The following ECHDC1 variants were observed in gnomAD, a reference collection of about 807,000 sequenced individuals.
The protein encoded by ECHDC1 is ethylmalonyl-CoA decarboxylase.
In ECHDC1, 29 loss-of-function variants were observed where a neutral mutation model predicts 29.7. That is an observed-to-expected ratio of 0.98 (90% CI 0.73 to 1.33). The LOEUF (loss-of-function observed/expected upper bound fraction) is 1.33. Ranked by LOEUF, ECHDC1 falls within the 40% of genes most tolerant of loss-of-function variation. ECHDC1 has a pLI of 0.00. For missense variants in ECHDC1, 328 were observed against 350.0 expected (o/e 0.94, Z 0.50); for synonymous variants, 126 against 123.1 (o/e 1.02, Z -0.15).
intron 2 of ECHDC1, 132 bp downstream of exon 2, chr6:127,330,677 T>C (rs1183520748): frequency 5.9e-6 from 4 of 681,958 alleles, no homozygotes; most frequent in Non-Finnish European, 9.7e-6. Context: ...TTGTTGTTTT[T>C]GTTATTTTTC....
chr6:127,342,329 A>G, intron 1 of ECHDC1: 1 of 1,539,836 alleles, frequency 6.5e-7, no homozygotes, highest in Non-Finnish European at 8.8e-7. Context: ...CTCTCCAACT[A>G]CCCTGTTTAT....
At chr6:127,311,669 CAAAAAAAAAAAAA>C (rs71272311) in intron 5 of ECHDC1, among the ~76,000 whole-genome samples, 81 of 25,040 alleles carry the variant, frequency 3.2e-3, no homozygotes, top group African/African-American at 7.0e-3. Context: ...GGCTCTGTCT[CAAAAAAAAAAAAA>C]AAAAAAAAAA....
intron 1 of ECHDC1, chr6:127,342,511 C>A: frequency 1.4e-6 from 1 of 738,608 alleles, no homozygotes; most frequent in Non-Finnish European, 2.1e-6. Context: ...CTGCTCCCTC[C>A]CCTCGTAGAT....
At chr6:127,311,491 A>G (rs1295007822) in intron 5 of ECHDC1, among the ~76,000 whole-genome samples, 2 of 151,844 alleles carry the variant, frequency 1.3e-5, no homozygotes, top group Non-Finnish European at 2.9e-5. Flanking sequence ...CCTGGCCAAC[A>G]TGGTGAAACC....
At chr6:127,331,654 C>G (rs1783959993) in intron 1 of ECHDC1, among the ~76,000 whole-genome samples, 2 of 152,206 alleles carry the variant, frequency 1.3e-5, no homozygotes, top group Admixed American at 6.5e-5. Context: ...TGCACCATCT[C>G]CTGCCTCTAG....
At chr6:127,334,651 C>A (rs1784277681) in intron 1 of ECHDC1, among the ~76,000 whole-genome samples, 1 of 152,022 alleles carries the variant, frequency 6.6e-6, no homozygotes, top group Non-Finnish European at 1.5e-5. Flanking sequence ...ATACAGAACA[C>A]CAAATAACCA....
chr6:127,342,450 G>C, intron 1 of ECHDC1: 1 of 1,425,570 alleles, frequency 7.0e-7, no homozygotes, highest in Non-Finnish European at 9.4e-7. Flanking sequence ...TCGCCTTTCA[G>C]GCCAGAACCC....
At chr6:127,314,999 T>C (rs1326882433) in intron 4 of ECHDC1, 103 bp from the exon 5 acceptor site, 2 of 995,320 alleles carry the variant, frequency 2.0e-6, no homozygotes, top group Non-Finnish European at 3.1e-6. Context: ...AACAAAATTA[T>C]TGCACTGTCT....
intron 5 of ECHDC1, 102 bp from the exon 6 acceptor site, chr6:127,290,379 T>C (rs901569811): frequency 2.6e-6 from 3 of 1,138,580 alleles, no homozygotes; most frequent in Admixed American, 5.5e-5. Flanking sequence ...CATAGATCTT[T>C]ATAGGTAGGT....
At chr6:127,316,065 C>G (rs1384430280) in intron 4 of ECHDC1, 6 of 471,148 alleles carry the variant, frequency 1.3e-5, no homozygotes, top group South Asian at 7.7e-5. Context: ...ATACAGACCA[C>G]TTCACCACAC....
chr6:127,300,954 T>A (rs1213895489), intron 5 of ECHDC1, among the ~76,000 whole-genome samples: 2 of 151,192 alleles, frequency 1.3e-5, no homozygotes, highest in Non-Finnish European at 2.9e-5. Flanking sequence ...ATTCTAAATA[T>A]CTTTAATTTG....
intron 5 of ECHDC1, among the ~76,000 whole-genome samples, chr6:127,294,015 C>G (rs945796372): frequency 6.6e-6 from 1 of 152,078 alleles, no homozygotes; most frequent in Non-Finnish European, 1.5e-5. Context: ...TATTCTAATA[C>G]AGATATGGTT....
intron 1 of ECHDC1, chr6:127,342,874 T>C (rs1347323042): frequency 6.5e-6 from 1 of 153,278 alleles, no homozygotes; most frequent in Non-Finnish European, 1.5e-5. Flanking sequence ...CTTTCGTTCT[T>C]GAAAAGTTGG....
chr6:127,290,896 CAAAT>C (rs1441457958), intron 5 of ECHDC1, among the ~76,000 whole-genome samples: 1 of 152,042 alleles, frequency 6.6e-6, no homozygotes. Flanking sequence ...AGGCAGGAGA[CAAAT>C]GAATTGAGGA....
chr6:127,305,034 T>G (rs1781341498), intron 5 of ECHDC1, among the ~76,000 whole-genome samples: 1 of 152,108 alleles, frequency 6.6e-6, no homozygotes, highest in Admixed American at 6.6e-5. Flanking sequence ...CACCTAGAGA[T>G]AGATATCAAT....
chr6:127,333,412 G>A (rs1479419685), intron 1 of ECHDC1, among the ~76,000 whole-genome samples: 1 of 151,816 alleles, frequency 6.6e-6, no homozygotes, highest in Non-Finnish European at 1.5e-5. Context: ...AATCTTAATA[G>A]ACATTTGGAT....
At chr6:127,293,100 T>G (rs544594077) in intron 5 of ECHDC1, among the ~76,000 whole-genome samples, 1 of 152,244 alleles carries the variant, frequency 6.6e-6, no homozygotes, top group African/African-American at 2.4e-5. Context: ...GAGTTACACC[T>G]TTGACAGGTG....
chr6:127,340,357 G>A (rs542713027), intron 1 of ECHDC1, among the ~76,000 whole-genome samples: 1 of 152,270 alleles, frequency 6.6e-6, no homozygotes, highest in South Asian at 2.1e-4. Context: ...AGGATGAAGG[G>A]AACTTGCTTT....
chr6:127,336,749 G>A (rs1784455946), intron 1 of ECHDC1, among the ~76,000 whole-genome samples: 1 of 152,064 alleles, frequency 6.6e-6, no homozygotes, highest in Non-Finnish European at 1.5e-5. Context: ...AATGGAAGCG[G>A]GGAAAAGTTT....
Sources: allele counts gnomAD v4.1 joint callset (sites outside exome capture counted in the v4.1 genomes callset), GRCh38; gene constraint gnomAD v4.1.1; transcripts MANE v1.5; gene names NCBI Gene and HGNC (gene_info 2026-07-23, HGNC 2026-07-21).